The following KRTAP13-2 variants were observed in gnomAD, a reference collection of about 807,000 sequenced individuals.
KRTAP13-2 encodes keratin-associated protein 13-2.
For missense variants in KRTAP13-2, 231 were observed against 212.4 expected (o/e 1.09, Z -0.55); for synonymous variants, 92 against 87.4 (o/e 1.05, Z -0.30).
Position 30,372,063 on chromosome 21 carries a change from A to C in KRTAP13-2, c.151T>G (p.Ser51Ala). ...ATCTCCTGACAGCCCCTATAGAGAGAGGAACCCAGCTGGCAGGTGCTGGGA... is the reference window on the plus strand; with the variant it reads ...ATCTCCTGACAGCCCCTATAGAGAGCGGAACCCAGCTGGCAGGTGCTGGGA... ...CSPSTCQLGS[S>A]LYRGCQEICW... Residue 51 changes from serine to alanine, a missense_variant, in exon 1 of 1, where the codon TCT becomes GCT. Physicochemically the swap from Ser to Ala is moderately conservative, Grantham distance 99. Coordinates refer to ENST00000399889, the MANE Select transcript of KRTAP13-2 (RefSeq NM_181621.4). 6.2e-7 allele frequency: 1 copy of C among 1,614,160 alleles called. No individual in the cohort carries two copies. The highest frequency in any genetic ancestry group is 1.1e-5 in the South Asian group (1 of 91,086).
chr21:30,371,921 C>G lies in KRTAP13-2; in HGVS notation c.293G>C (p.Gly98Ala). ...GCTGCTGGATCCAAAGCCTAGAGAC[C>G]CAGAGTAAGTCGTCTTGCAAGGACT... Reference protein sequence around the residue: ...LCSPCKTTYSGSLGFGSSSCR... With the variant: ...LCSPCKTTYSASLGFGSSSCR... Residue 98 changes from glycine (G) to alanine (A), a missense_variant, in exon 1 of 1, where the codon GGG (glycine) becomes GCG (alanine). Transcript: ENST00000399889. 6.2e-7 allele frequency: 1 copy of G among 1,614,140 alleles called. No individual in the cohort carries two copies.
At position 30,371,724 on chromosome 21, in the gene KRTAP13-2, G is replaced by T. The variant is rs769466458; in HGVS notation, c.490C>A (p.Pro164Thr). 1 of 1,614,128 alleles carries T rather than the reference G, an allele frequency of 6.2e-7. No homozygotes were observed. Among genetic ancestry groups the T allele is most frequent in the Non-Finnish European group, 8.5e-7 (1 of 1,180,010 alleles). Reference protein sequence around the residue: ...SRSCQSPCYRPAYGSTFCRST... With the variant: ...SRSCQSPCYRTAYGSTFCRST... ...CTGCAGAAGGTTGATCCATAGGCTGGTCTGTAACAAGGAGACTGGCAGCTC... is the reference window on the plus strand; with the variant it reads ...CTGCAGAAGGTTGATCCATAGGCTGTTCTGTAACAAGGAGACTGGCAGCTC... Residue 164 changes from proline to threonine, a missense_variant, in exon 1 of 1, where the codon CCA becomes ACA. By Grantham distance (38) the Pro-to-Thr change is conservative. Transcript: ENST00000399889.
rs200096487 is a variant in KRTAP13-2 at position 30,371,960 on chromosome 21, G to A, written c.254C>T (p.Thr85Ile). The change falls in exon 1 of 1, where the codon ACC (threonine) becomes ATC (isoleucine). Residue 85 changes from threonine to isoleucine, a missense_variant. Physicochemically the swap from Thr to Ile is moderately conservative, Grantham distance 89. Coordinates refer to ENST00000399889, the MANE Select transcript of KRTAP13-2 (RefSeq NM_181621.4). ...PCQTSCYRPR[T>I]SLLCSPCKTT... ...CTTGCAAGGACTGCAGAGCAAGGAG[G>A]TTCTGGGGCGGTAGCAGGAGGTCTG... 1.2e-6 allele frequency: 2 copies of A among 1,614,182 alleles called. No individual in the cohort carries two copies. The highest frequency in any genetic ancestry group is 1.7e-6 in the Non-Finnish European group (2 of 1,180,028).
At chr21:30,372,151 G>C in the KRTAP13-2 span, 2 of 1,614,030 alleles carry the variant, frequency 1.2e-6, no homozygotes, top group East Asian at 2.2e-5. Context: ...AGGATGCTGG[G>C]TAGCGCAGGT....
rs1295709941 is a variant in KRTAP13-2 at position 30,371,827 on chromosome 21, G to A, written c.387C>T (p.Ser129=). 9 of 1,613,922 alleles carry A rather than the reference G, an allele frequency of 5.6e-6. No homozygotes were observed. Among genetic ancestry groups the A allele is most frequent in the Non-Finnish European group, 6.8e-6 (8 of 1,179,958 alleles). ...SVGCGSSGVR[S]LGYGSCGFPS... Reference sequence around the variant, plus strand: ...GGAAGCCACAGCTTCCATAACCCAGGGATCTGACACCACTGGACCCACAGC... The same window carrying A: ...GGAAGCCACAGCTTCCATAACCCAGAGATCTGACACCACTGGACCCACAGC... The change falls in exon 1 of 1, where the codon TCC becomes TCT. Residue 129 remains serine (S), a synonymous_variant. Transcript: ENST00000399889.
chr21:30,371,736 G>A lies in KRTAP13-2; in HGVS notation c.478C>T (p.Pro160Ser). 6.2e-7 allele frequency: 1 copy of A among 1,614,144 alleles called. No homozygotes were observed. The highest frequency in any genetic ancestry group is 8.5e-7 in the Non-Finnish European group (1 of 1,180,012). Residue 160 changes from proline to serine, a missense_variant, in exon 1 of 1, where the codon CCT becomes TCT. Pro to Ser is a moderately conservative substitution (Grantham distance 74, BLOSUM62 -1). Transcript: ENST00000399889. The stretch of plus-strand genomic sequence containing the variant: ...GATCCATAGGCTGGTCTGTAACAAG[G>A]AGACTGGCAGCTCCTAGAAGCCAAG... ...TYLASRSCQS[P>S]CYRPAYGSTF...
rs374607546 is a variant in KRTAP13-2 at position 30,372,038 on chromosome 21, A to T, written c.176T>A (p.Ile59Asn). The T allele has an allele frequency of 8.1e-6, 13 of 1,614,136 alleles. No individual in the cohort carries two copies. Among genetic ancestry groups the T allele is most frequent in the Non-Finnish European group, 1.0e-5 (12 of 1,180,016 alleles). ...CTGGCAGCTGGTGGGCTCCCAGCAG[A>T]TCTCCTGACAGCCCCTATAGAGAGA... The part of the protein sequence containing the change: ...GSSLYRGCQE[I>N]CWEPTSCQTS... The change falls in exon 1 of 1, where the codon ATC (isoleucine) becomes AAC (asparagine). Residue 59 changes from isoleucine to asparagine, a missense_variant. Ile to Asn is a moderately radical substitution (Grantham distance 149). Transcript: ENST00000399889.
Position 30,371,696 on chromosome 21 carries a change from G to A in KRTAP13-2, c.518C>T (p.Ser173Leu). ...RPAYGSTFCR[S>L]TC is the part of the protein sequence containing the mutation. The stretch of plus-strand genomic sequence containing the variant: ...AAAAGGTCTGGAAATTCAGCAAGTT[G>A]ATCTGCAGAAGGTTGATCCATAGGC... Residue 173 changes from serine to leucine, a missense_variant, in exon 1 of 1, where the codon TCA (serine) becomes TTA (leucine). Transcript: ENST00000399889. 1 of 1,612,776 alleles carries A rather than the reference G, an allele frequency of 6.2e-7. No individual in the cohort carries two copies. Among genetic ancestry groups the A allele is most frequent in the Non-Finnish European group, 8.5e-7 (1 of 1,179,214 alleles).
At position 30,371,582 on chromosome 21, in the gene KRTAP13-2, G is replaced by T. The variant is rs1318065638; in HGVS notation, c.*104C>A. On this transcript the variant is annotated 3_prime_UTR_variant, in exon 1 of 1. Coordinates refer to ENST00000399889, the MANE Select transcript of KRTAP13-2 (RefSeq NM_181621.4). Reference sequence around the variant, plus strand: ...AGCCAGTACTTGATGCCAGAGAAAGGATGAAGAGCTAGTAGTAAGAGGGGT... The same window carrying T: ...AGCCAGTACTTGATGCCAGAGAAAGTATGAAGAGCTAGTAGTAAGAGGGGT... 15 of 1,132,410 alleles carry T rather than the reference G, an allele frequency of 1.3e-5. No homozygotes were observed. Among genetic ancestry groups the T allele is most frequent in the Non-Finnish European group, 1.9e-5 (15 of 786,424 alleles). The allele number at this position is 1,132,410 out of a possible 1,614,324, so 70.1% of individuals were successfully genotyped here. A position where few individuals can be genotyped will look rare whatever the true frequency, so the allele number is the denominator to read the frequency against.
rs746230916 is a variant in KRTAP13-2, at chr21:30,371,730, A to G, written c.484T>C (p.Tyr162His). Residue 162 changes from tyrosine to histidine, a missense_variant, in exon 1 of 1, where the codon TAC (tyrosine) becomes CAC (histidine). Tyr to His is a moderately conservative substitution (Grantham distance 83). Coordinates refer to ENST00000399889, the MANE Select transcript of KRTAP13-2 (RefSeq NM_181621.4). ...LASRSCQSPC[Y>H]RPAYGSTFCR... ...AAGGTTGATCCATAGGCTGGTCTGT[A>G]ACAAGGAGACTGGCAGCTCCTAGAA... 1 of 1,614,164 alleles carries G rather than the reference A, an allele frequency of 6.2e-7. No homozygotes were observed. Among genetic ancestry groups the G allele is most frequent in the South Asian group, 1.1e-5 (1 of 91,090 alleles).
the KRTAP13-2 span, chr21:30,371,701 G>T: frequency 2.5e-6 from 4 of 1,613,784 alleles, no homozygotes; most frequent in Non-Finnish European, 2.5e-6. Context: ...AAGTTGATCT[G>T]CAGAAGGTTG....
rs746875542 is a variant in KRTAP13-2 at position 30,371,716 on chromosome 21, A to G, written c.498T>C (p.Tyr166=). 14 of 1,614,032 alleles carry G rather than the reference A, an allele frequency of 8.7e-6. No individual in the cohort carries two copies. Among genetic ancestry groups the G allele is most frequent in the South Asian group, 4.4e-5 (4 of 91,092 alleles). ...SCQSPCYRPA[Y]GSTFCRSTC ...AAGTTGATCTGCAGAAGGTTGATCC[A>G]TAGGCTGGTCTGTAACAAGGAGACT... Residue 166 remains tyrosine (Y), a synonymous_variant, in exon 1 of 1, where the codon TAT becomes TAC. Transcript: ENST00000399889.
At position 30,372,084 on chromosome 21, in the gene KRTAP13-2, T is replaced by C; in HGVS notation, c.130A>G (p.Ser44Gly). 1 of 1,614,114 alleles carries C rather than the reference T, an allele frequency of 6.2e-7. No individual in the cohort carries two copies. Residue 44 changes from serine (S) to glycine (G), a missense_variant, in exon 1 of 1, where the codon AGC becomes GGC. By Grantham distance (56) the Ser-to-Gly change is moderately conservative. Transcript: ENST00000399889. The part of the protein sequence containing the change: ...LVYSTDLCSP[S>G]TCQLGSSLYR... ...AGAGAGGAACCCAGCTGGCAGGTGC[T>C]GGGAGAGCAGAGGTCAGTGCTGTAG...
At position 30,372,202 on chromosome 21, in the gene KRTAP13-2, G is replaced by C; in HGVS notation, c.12C>G (p.Asn4Lys). Residue 4 changes from asparagine (N) to lysine (K), a missense_variant, in exon 1 of 1, where the codon AAC becomes AAG. Transcript: ENST00000399889. Reference protein sequence around the residue: MSYNCCSGNFSSRS... With the variant: MSYKCCSGNFSSRS... The stretch of plus-strand genomic sequence containing the variant: ...GGGAGGAGAAGTTTCCAGAGCAGCA[G>C]TTGTAGGACATGTTGACGGGAGATG... 6.2e-7 allele frequency: 1 copy of C among 1,611,786 alleles called. No individual in the cohort carries two copies. The highest frequency in any genetic ancestry group is 1.1e-5 in the South Asian group (1 of 90,948).
In KRTAP13-2 at chr21:30,371,417, A is replaced by C; in HGVS notation, c.*269T>G. The C allele has an allele frequency of 2.7e-6, 1 of 365,396 alleles. No homozygotes were observed. Among genetic ancestry groups the C allele is most frequent in the South Asian group, 4.7e-5 (1 of 21,196 alleles). The allele number at this position is 365,396 out of a possible 1,614,324, so 22.6% of individuals were successfully genotyped here. On this transcript the variant is annotated 3_prime_UTR_variant, in exon 1 of 1. Transcript: ENST00000399889. Reference sequence around the variant, plus strand: ...GGAATCAACAGTAAATGAATTTATTACGTGAAACAAAACTGAACTTCCATA... The same window carrying C: ...GGAATCAACAGTAAATGAATTTATTCCGTGAAACAAAACTGAACTTCCATA...
In KRTAP13-2 at chr21:30,372,224, G is replaced by T. The variant is rs1982927743; in HGVS notation, c.-11C>A. 6.2e-7 allele frequency: 1 copy of T among 1,605,886 alleles called. No individual in the cohort carries two copies. Among genetic ancestry groups the T allele is most frequent in the Non-Finnish European group, 8.5e-7 (1 of 1,174,810 alleles). The stretch of plus-strand genomic sequence containing the variant: ...GCAGTTGTAGGACATGTTGACGGGA[G>T]ATGTGAGTTCAGCTGAGTTATAGTG... On this transcript the variant is annotated 5_prime_UTR_variant, in exon 1 of 1. Coordinates refer to ENST00000399889, the MANE Select transcript of KRTAP13-2 (RefSeq NM_181621.4).
chr21:30,371,590 G>T lies in KRTAP13-2; in HGVS notation c.*96C>A. 1.7e-6 allele frequency: 2 copies of T among 1,185,742 alleles called. No homozygotes were observed. The highest frequency in any genetic ancestry group is 2.4e-6 in the Non-Finnish European group (2 of 830,930). The allele number at this position is 1,185,742 out of a possible 1,614,324, so 73.5% of individuals were successfully genotyped here. A position where few individuals can be genotyped will look rare whatever the true frequency, so the allele number is the denominator to read the frequency against. On this transcript the variant is annotated 3_prime_UTR_variant, in exon 1 of 1. Transcript: ENST00000399889. ...CTTGATGCCAGAGAAAGGATGAAGA[G>T]CTAGTAGTAAGAGGGGTTAGCTCAC...
rs1173576504 is a variant in KRTAP13-2, at chr21:30,371,945, C to T, written c.269G>A (p.Ser90Asn). ...CCCAGAGTAAGTCGTCTTGCAAGGA[C>T]TGCAGAGCAAGGAGGTTCTGGGGCG... ...CYRPRTSLLC[S>N]PCKTTYSGSL... The change falls in exon 1 of 1, where the codon AGT (serine) becomes AAT (asparagine). Residue 90 changes from serine (S) to asparagine (N), a missense_variant. Ser to Asn is a conservative substitution (Grantham distance 46, BLOSUM62 1). Coordinates refer to ENST00000399889, the MANE Select transcript of KRTAP13-2 (RefSeq NM_181621.4). 6.2e-7 allele frequency: 1 copy of T among 1,614,198 alleles called. No individual in the cohort carries two copies.
rs1601099292 is a variant in KRTAP13-2, at chr21:30,371,575, G to C, written c.*111C>G. On this transcript the variant is annotated 3_prime_UTR_variant, in exon 1 of 1. Transcript: ENST00000399889. ...CCTGTCCAGCCAGTACTTGATGCCA[G>C]AGAAAGGATGAAGAGCTAGTAGTAA... 5 of 1,082,934 alleles carry C rather than the reference G, an allele frequency of 4.6e-6. No individual in the cohort carries two copies. The East Asian group carries it at 1.2e-4, about 26-fold the overall frequency. The allele number at this position is 1,082,934 out of a possible 1,614,324, so 67.1% of individuals were successfully genotyped here.
Sources: allele counts gnomAD v4.1 joint callset, GRCh38; gene constraint gnomAD v4.1.1; transcripts MANE v1.5; gene names NCBI Gene and HGNC (gene_info 2026-07-23, HGNC 2026-07-21).